Variants in LARS2 observed in about 807,000 individuals in gnomAD.
The protein encoded by LARS2 is leucyl-tRNA synthetase 2, mitochondrial, also known as leucine--tRNA ligase, mitochondrial.
In LARS2, 81 loss-of-function variants were observed where a neutral mutation model predicts 116.6. That is an observed-to-expected ratio of 0.69 (90% CI 0.58 to 0.84). The LOEUF (loss-of-function observed/expected upper bound fraction) is 0.84. Ranked by LOEUF, LARS2 falls within the 40% of genes least tolerant of loss-of-function variation. LARS2 has a pLI of 0.00. For synonymous variants in LARS2, 396 were observed against 407.2 expected (o/e 0.97, Z 0.33); for missense variants, 968 against 1,114.5 (o/e 0.87, Z 1.87).
At chr3:45,473,584 A>G (rs867563304) in intron 8 of LARS2, among the ~76,000 whole-genome samples, 3 of 151,378 alleles carry the variant, frequency 2.0e-5, no homozygotes, top group Non-Finnish European at 4.4e-5. Context: ...GGGTTTCACC[A>G]TGTTGGCCAG....
chr3:45,461,212 T>A (rs1165653142), intron 8 of LARS2, among the ~76,000 whole-genome samples: 2 of 152,098 alleles, frequency 1.3e-5, no homozygotes, highest in Non-Finnish European at 2.9e-5. Flanking sequence ...AACTTTTTTT[T>A]TTTAAATGAA....
At chr3:45,419,609 A>C in intron 5 of LARS2, 60 bp from the exon 6 acceptor site, 1 of 805,452 alleles carries the variant, frequency 1.2e-6, no homozygotes, top group Non-Finnish European at 2.0e-6. Context: ...CTCAAAGTGT[A>C]GTTGTGTATG....
chr3:45,479,808 C>A (rs1699667703), intron 10 of LARS2, among the ~76,000 whole-genome samples: 1 of 152,160 alleles, frequency 6.6e-6, no homozygotes, highest in Non-Finnish European at 1.5e-5. Flanking sequence ...GAAATCTTTT[C>A]TTGCATTCCT....
chr3:45,465,584 C>G (rs1475585968), intron 8 of LARS2, among the ~76,000 whole-genome samples: 2 of 152,182 alleles, frequency 1.3e-5, no homozygotes, highest in Admixed American at 1.3e-4. Context: ...AGCCCGGGGC[C>G]AAGGCGAGAT....
At chr3:45,488,895 C>A in intron 12 of LARS2, 83 bp downstream of exon 12, 1 of 889,126 alleles carries the variant, frequency 1.1e-6, no homozygotes, top group Non-Finnish European at 1.9e-6. Flanking sequence ...AAATTACAAC[C>A]TGTTCCTTCA....
intron 7 of LARS2, among the ~76,000 whole-genome samples, chr3:45,453,632 A>C (rs1455746633): frequency 6.6e-6 from 1 of 151,762 alleles, no homozygotes; most frequent in Non-Finnish European, 1.5e-5. Context: ...CTTGTGGGCT[A>C]CCCCTGGACT....
intron 20 of LARS2, among the ~76,000 whole-genome samples, chr3:45,533,141 CTTTTTTTTTTTTTT>C (rs3085466): frequency 5.9e-5 from 3 of 51,004 alleles, no homozygotes; most frequent in Non-Finnish European, 1.0e-4. Context: ...CACATTAAGT[CTTTTTTTTTTTTTT>C]TTTTTTTTTT....
chr3:45,484,618 A>ATATATATATATATATATAT (rs1223081345), intron 10 of LARS2, among the ~76,000 whole-genome samples: 26 of 13,898 alleles, frequency 1.9e-3, no homozygotes, highest in African/African-American at 2.1e-3. Flanking sequence ...AAAAAAAAAA[A>ATATATATATATATATATAT]AAAAAAAAAA....
rs765823843 is a variant in LARS2 at position 45,513,197 on chromosome 3, C to T, written c.1823C>T (p.Ser608Phe). Residue 608 changes from serine to phenylalanine, a missense_variant, in exon 16 of 22, where the codon TCT (serine) becomes TTT (phenylalanine). By Grantham distance (155) the Ser-to-Phe change is radical. Transcript: ENST00000645846. ...LIKGQTFRLP[S>F]GQYLQREEVD... ...AAGGGGCAGACATTCCGCCTACCAT[C>T]TGGACAGTATCTACAGAGAGAGGAA... The T allele has an allele frequency of 6.2e-6, 10 of 1,613,606 alleles. No individual in the cohort carries two copies. In the Admixed American group the frequency reaches 1.7e-4, roughly 27 times the overall value.
intron 4 of LARS2, among the ~76,000 whole-genome samples, chr3:45,411,522 T>C (rs1698331238): frequency 6.6e-6 from 1 of 152,232 alleles, no homozygotes; most frequent in Non-Finnish European, 1.5e-5. Context: ...AAGATTTGTG[T>C]CTATATCCTA....
At chr3:45,426,735 A>G (rs1698601454) in intron 6 of LARS2, among the ~76,000 whole-genome samples, 1 of 152,202 alleles carries the variant, frequency 6.6e-6, no homozygotes, top group South Asian at 2.1e-4. Context: ...CAGCCAGGAC[A>G]GTATTCTCGC....
intron 6 of LARS2, among the ~76,000 whole-genome samples, chr3:45,430,703 G>A (rs1047058049): frequency 1.0e-4 from 15 of 147,288 alleles, no homozygotes; most frequent in African/African-American, 3.5e-4. Flanking sequence ...TCCTGCCTCA[G>A]CCTCCCGAGT....
chr3:45,521,580 T>C (rs1329170334), intron 19 of LARS2, among the ~76,000 whole-genome samples: 3 of 152,176 alleles, frequency 2.0e-5, no homozygotes, highest in Admixed American at 1.3e-4. Context: ...AGAAGGTTAA[T>C]ATCCTTGTAA....
At chr3:45,544,428 A>G (rs900919989) in intron 21 of LARS2, among the ~76,000 whole-genome samples, 1 of 152,214 alleles carries the variant, frequency 6.6e-6, no homozygotes, top group Non-Finnish European at 1.5e-5. Flanking sequence ...TATTGAGAGA[A>G]TTAGGTAGGA....
chr3:45,541,739 A>T, intron 20 of LARS2, 90 bp from the exon 21 acceptor site: 1 of 1,513,728 alleles, frequency 6.6e-7, no homozygotes. Context: ...GCTCCAAGCC[A>T]GGCTGTGTTG....
intron 6 of LARS2, among the ~76,000 whole-genome samples, chr3:45,446,082 T>TA (rs1699013012): frequency 6.6e-6 from 1 of 152,106 alleles, no homozygotes; most frequent in Non-Finnish European, 1.5e-5. Context: ...CTCTTAAAAA[T>TA]AAAAAAGTCT....
intron 15 of LARS2, among the ~76,000 whole-genome samples, chr3:45,505,942 T>C (rs1559491306): frequency 1.3e-5 from 2 of 152,102 alleles, no homozygotes; most frequent in African/African-American, 4.8e-5. Context: ...TGCTGCATGC[T>C]GATGTAATTT....
intron 15 of LARS2, among the ~76,000 whole-genome samples, chr3:45,504,771 G>GTTTT (rs879312474): frequency 6.9e-6 from 1 of 144,404 alleles, no homozygotes; most frequent in Non-Finnish European, 1.5e-5. Context: ...TGTTTTGTTT[G>GTTTT]TTTTTTTTTT....
chr3:45,528,276 G>A (rs1312098269), intron 20 of LARS2, among the ~76,000 whole-genome samples: 1 of 152,176 alleles, frequency 6.6e-6, no homozygotes. Flanking sequence ...GTTCACGGCT[G>A]CAGTGAGCCA....
Sources: gnomAD v4.1 joint callset for allele counts (sites outside exome capture counted in the v4.1 genomes callset) on GRCh38, gnomAD v4.1.1 for gene constraint, MANE v1.5 for transcripts, NCBI Gene and HGNC (gene_info 2026-07-23, HGNC 2026-07-21) for gene names.